ADCY2: variants seen among roughly 807,000 people sequenced by gnomAD.
ADCY2 encodes the protein adenylate cyclase type 2.
Under a neutral mutation model 125.2 loss-of-function variants are expected in ADCY2, and 31 were observed. That is an observed-to-expected ratio of 0.25 (90% CI 0.19 to 0.33). ADCY2 has a LOEUF of 0.33. Among genes scored for constraint, ADCY2 ranks in the 10% least tolerant of loss-of-function variants. ADCY2 has a pLI of 1.00. For missense variants in ADCY2, 904 were observed against 1,418.2 expected, an observed-to-expected ratio of 0.64 and a Z score of 5.82; for synonymous variants, 512 against 548.4, an observed-to-expected ratio of 0.93 and a Z score of 0.93.
chr5:7,667,241 G>C (rs938458567), intron 4 of ADCY2, among the ~76,000 whole-genome samples: 2 of 152,098 alleles, frequency 1.3e-5, no homozygotes, highest in Admixed American at 6.5e-5. Flanking sequence ...GTGTCTCGGC[G>C]GGGATGACTG....
At chr5:7,593,286 G>A (rs1160304874) in intron 3 of ADCY2, among the ~76,000 whole-genome samples, 2 of 152,188 alleles carry the variant, frequency 1.3e-5, no homozygotes, top group Non-Finnish European at 2.9e-5. Flanking sequence ...ACGCACAAAA[G>A]TACCTCTATA....
intron 3 of ADCY2, among the ~76,000 whole-genome samples, chr5:7,546,737 G>A (rs1231600157): frequency 6.6e-6 from 1 of 152,170 alleles, no homozygotes; most frequent in Non-Finnish European, 1.5e-5. Flanking sequence ...TTGCAAGGCC[G>A]TCCGTGGGCT....
At position 7,414,566 on chromosome 5, in the gene ADCY2, T is replaced by A. The variant is rs1739862105; in HGVS notation, c.211-7T>A. ...TAACTTTTCCATGTATTTTTTTATC[T>A]CCTCAGGAAGTTGAAGACCATGTGG... On this transcript the variant is annotated splice_polypyrimidine_tract_variant and splice_region_variant and intron_variant, in intron 1 of 24. Transcript: ENST00000338316. 6.3e-7 allele frequency: 1 copy of A among 1,595,180 alleles called. No individual in the cohort carries two copies.
chr5:7,589,511 A>AAAAAGAAAG (rs1554022174), intron 3 of ADCY2, among the ~76,000 whole-genome samples: 5,346 of 109,906 alleles, frequency 0.049, 367 homozygotes, highest in East Asian at 0.096. Flanking sequence ...AGAAAGAAAG[A>AAAAAGAAAG]AAAGAAAAGA....
chr5:7,660,858 G>A (rs1177192450), intron 4 of ADCY2, among the ~76,000 whole-genome samples: 1 of 152,154 alleles, frequency 6.6e-6, no homozygotes, highest in Non-Finnish European at 1.5e-5. Flanking sequence ...ATGGCCTACT[G>A]AAGCTGACAT....
chr5:7,748,519 A>G (rs1022224553), intron 15 of ADCY2, among the ~76,000 whole-genome samples: 3 of 90,118 alleles, frequency 3.3e-5, no homozygotes, highest in African/African-American at 1.2e-4. Context: ...CCCACCCTCC[A>G]ACACACACAC....
chr5:7,826,917 A>G lies in ADCY2; in HGVS notation c.*46A>G, dbSNP rs764272749. On this transcript the variant is annotated 3_prime_UTR_variant, in exon 25 of 25. Transcript: ENST00000338316. ...AAGAAGACTGTATTTTCAGGAAGGT[A>G]TCACACACTTTCTGACTGCAACTTC... 6.4e-7 allele frequency: 1 copy of G among 1,563,598 alleles called. No individual in the cohort carries two copies. Among genetic ancestry groups the G allele is most frequent in the South Asian group, 1.2e-5 (1 of 80,602 alleles).
At chr5:7,638,798 C>T (rs950991794) in intron 4 of ADCY2, among the ~76,000 whole-genome samples, 11 of 152,122 alleles carry the variant, frequency 7.2e-5, no homozygotes, top group African/African-American at 1.9e-4. Flanking sequence ...AAATCTTTGG[C>T]GGTGATACGG....
At chr5:7,669,638 G>A (rs1739866357) in intron 4 of ADCY2, among the ~76,000 whole-genome samples, 2 of 152,066 alleles carry the variant, frequency 1.3e-5, no homozygotes, top group South Asian at 4.1e-4. Context: ...ATGTAAAAAA[G>A]GTAAGTTTTT....
rs187810033 is a variant in ADCY2, at chr5:7,513,885, T to C, written c.409-6853T>C. Among the ~76,000 whole-genome samples, 334 of 152,338 alleles carry C rather than the reference T, an allele frequency of 2.2e-3. 2 individuals are homozygous for C. Among genetic ancestry groups the C allele is most frequent in the African/African-American group, 7.4e-3 (309 of 41,586 alleles). On this transcript the variant is annotated intron_variant, in intron 2 of 24. Coordinates refer to ENST00000338316, the MANE Select transcript of ADCY2 (RefSeq NM_020546.3). Reference sequence around the variant, plus strand: ...ATTTTAATTGCTCTGCCTTTGGTTATAAAATACATTATGTTCACTGAGATG... The same window carrying C: ...ATTTTAATTGCTCTGCCTTTGGTTACAAAATACATTATGTTCACTGAGATG...
chr5:7,739,916 A>T (rs538154979), intron 14 of ADCY2, among the ~76,000 whole-genome samples: 4 of 151,968 alleles, frequency 2.6e-5, no homozygotes, highest in Non-Finnish European at 4.4e-5. Context: ...TGTTTTAAAA[A>T]TTTTTCCCAC....
chr5:7,640,320 G>A (rs551024722), intron 4 of ADCY2, among the ~76,000 whole-genome samples: 46 of 152,230 alleles, frequency 3.0e-4, no homozygotes, highest in South Asian at 2.9e-3. Context: ...CTTTAAAGAG[G>A]CATTTAGATC....
intron 6 of ADCY2, among the ~76,000 whole-genome samples, chr5:7,697,015 A>G (rs904856806): frequency 6.6e-5 from 10 of 152,094 alleles, no homozygotes; most frequent in African/African-American, 2.4e-4. Flanking sequence ...GTTAGGAAGA[A>G]ACGTTTCAGT....
intron 3 of ADCY2, among the ~76,000 whole-genome samples, chr5:7,562,795 G>A (rs1448042384): frequency 6.6e-6 from 1 of 152,076 alleles, no homozygotes; most frequent in Admixed American, 6.6e-5. Flanking sequence ...TTCTCAGTGG[G>A]TTTATGAACT....
chr5:7,784,331 A>G (rs772825882), intron 18 of ADCY2, 34 bp from the exon 19 acceptor site: 2 of 1,506,360 alleles, frequency 1.3e-6, no homozygotes, highest in Non-Finnish European at 1.8e-6. Context: ...GTTTTGTTGC[A>G]TTGTTGTCTG....
At chr5:7,812,332 G>A (rs326149) in intron 22 of ADCY2, among the ~76,000 whole-genome samples, 1 of 152,178 alleles carries the variant, frequency 6.6e-6, no homozygotes, top group Non-Finnish European at 1.5e-5. Context: ...AACTCAAAAC[G>A]GAAAGAAAAT....
intron 4 of ADCY2, among the ~76,000 whole-genome samples, chr5:7,636,028 T>C (rs1579260771): frequency 6.6e-6 from 1 of 152,336 alleles, no homozygotes; most frequent in South Asian, 2.1e-4. Flanking sequence ...GAAGCTTGTT[T>C]ATCCTGGCAC....
At chr5:7,683,548 G>A (rs1740409501) in intron 4 of ADCY2, among the ~76,000 whole-genome samples, 1 of 152,110 alleles carries the variant, frequency 6.6e-6, no homozygotes. Context: ...TCCCAAAGAG[G>A]AGGGAAAGGA....
At chr5:7,786,934 C>T (rs1164165675) in intron 19 of ADCY2, among the ~76,000 whole-genome samples, 2 of 152,158 alleles carry the variant, frequency 1.3e-5, no homozygotes, top group East Asian at 1.9e-4. Flanking sequence ...ATCCCAGAAC[C>T]GCACTTGAGG....
Sources: allele counts gnomAD v4.1 joint callset (sites outside exome capture counted in the v4.1 genomes callset), GRCh38; gene constraint gnomAD v4.1.1; transcripts MANE v1.5; gene names NCBI Gene and HGNC (gene_info 2026-07-23, HGNC 2026-07-21).